The following MAPK8 variants were observed in gnomAD, a reference collection of about 807,000 sequenced individuals.
The protein encoded by MAPK8 is mitogen-activated protein kinase 8.
A neutral mutation model predicts 52.9 loss-of-function variants in MAPK8; 13 were observed. The ratio of observed to expected loss-of-function variants is 0.25; its 90% CI spans 0.16 to 0.39. The LOEUF is 0.39. MAPK8 is among the 10% of genes least tolerant of loss of function. The pLI, the probability that MAPK8 is intolerant of heterozygous loss-of-function variation, is 1.00. For missense variants in MAPK8, 300 were observed against 519.2 expected, an observed-to-expected ratio of 0.58 and a Z score of 4.10; for synonymous variants, 191 against 169.8, an observed-to-expected ratio of 1.12 and a Z score of -0.97.
rs1156554176 is a variant in MAPK8, at chr10:48,436,334, C to T, written c.*1305C>T. 2 of 152,114 alleles carry T rather than the reference C, an allele frequency of 1.3e-5. No individual in the cohort carries two copies. The highest frequency in any genetic ancestry group is 3.8e-4 in the East Asian group (2 of 5,206). 9.4% of individuals were successfully genotyped at this position (152,114 alleles called of 1,614,324 possible). ...GAGTAGTGTTAAGAATGGTGCTGCT[C>T]CTGACAAGTGTATGTTAACTGTTTA... On this transcript the variant is annotated 3_prime_UTR_variant, in exon 12 of 12. Transcript: ENST00000374189.
chr10:48,374,394 A>G (rs2040521962), intron 1 of MAPK8, among the ~76,000 whole-genome samples: 3 of 152,308 alleles, frequency 2.0e-5, no homozygotes, highest in Admixed American at 6.5e-5. Flanking sequence ...AACTAAGATC[A>G]GAGCAGAACT....
At chr10:48,429,547 C>T (rs2044003529) in intron 10 of MAPK8, among the ~76,000 whole-genome samples, 1 of 152,178 alleles carries the variant, frequency 6.6e-6, no homozygotes, top group South Asian at 2.1e-4. Context: ...GTTAGTGCTC[C>T]TAATTAGTTT....
chr10:48,401,898 TA>T, intron 2 of MAPK8, 116 bp downstream of exon 2: 2 of 847,294 alleles, frequency 2.4e-6, no homozygotes, highest in East Asian at 3.3e-5. Context: ...AAATTAAAAC[TA>T]AAAATTAAAC....
rs1589320247 is a variant in MAPK8 at position 48,432,969 on chromosome 10, C to G, written c.1138+1699C>G. 2.0e-5 allele frequency among the ~76,000 whole-genome samples: 3 copies of G among 152,168 alleles called. No individual in the cohort carries two copies. In the East Asian group the frequency reaches 5.8e-4, roughly 29 times the overall value. ...GGTAAATCAAAATACCAGATAACCA[C>G]AGTACCATTTCCACTTGATTTTTAA... On this transcript the variant is annotated intron_variant, in intron 11 of 11. Coordinates refer to ENST00000374189, the MANE Select transcript of MAPK8 (RefSeq NM_001323329.2).
intron 1 of MAPK8, among the ~76,000 whole-genome samples, chr10:48,308,594 GTGTGTGCATGTACGTAATCC>G (rs1453602097): frequency 6.6e-6 from 1 of 152,120 alleles, no homozygotes; most frequent in East Asian, 1.9e-4. Context: ...GTGTGTCCGT[GTGTGTGCATGTACGTAATCC>G]ACACACAGGC....
intron 5 of MAPK8, among the ~76,000 whole-genome samples, chr10:48,415,730 A>G (rs2043032229): frequency 6.6e-6 from 1 of 152,190 alleles, no homozygotes. Flanking sequence ...TCGCGTTTTC[A>G]AGGTGAAAGA....
intron 1 of MAPK8, among the ~76,000 whole-genome samples, chr10:48,308,644 A>G (rs1310959578): frequency 6.6e-6 from 1 of 152,198 alleles, no homozygotes; most frequent in African/African-American, 2.4e-5. Context: ...CTGGTATTTC[A>G]GTAGGGGTCT....
At chr10:48,396,128 C>G (rs2041874778) in intron 1 of MAPK8, among the ~76,000 whole-genome samples, 1 of 151,914 alleles carries the variant, frequency 6.6e-6, no homozygotes, top group South Asian at 2.1e-4. Context: ...AAAACTTTTA[C>G]TCTGTGAAAG....
At chr10:48,419,127 A>G (rs185174058) in intron 5 of MAPK8, among the ~76,000 whole-genome samples, 1 of 152,326 alleles carries the variant, frequency 6.6e-6, no homozygotes, top group East Asian at 1.9e-4. Context: ...ACTAGATTAC[A>G]TATCTTCTAA....
chr10:48,363,999 T>G (rs1311150342), intron 1 of MAPK8, among the ~76,000 whole-genome samples: 1 of 152,234 alleles, frequency 6.6e-6, no homozygotes, highest in African/African-American at 2.4e-5. Flanking sequence ...AATAATCTAT[T>G]TAGATTTCTT....
chr10:48,412,739 G>C (rs1403214641), intron 5 of MAPK8, among the ~76,000 whole-genome samples: 3 of 152,174 alleles, frequency 2.0e-5, no homozygotes, highest in African/African-American at 7.2e-5. Context: ...CCAAAGACTA[G>C]TTAAAATGCT....
chr10:48,323,196 A>G (rs1588938194), intron 1 of MAPK8, among the ~76,000 whole-genome samples: 1 of 152,322 alleles, frequency 6.6e-6, no homozygotes, highest in East Asian at 1.9e-4. Context: ...AGTTTGGGAA[A>G]GATAAAGGTA....
In MAPK8 at chr10:48,401,701, A is replaced by T; in HGVS notation, c.41A>T (p.Glu14Val). 1.2e-6 allele frequency: 2 copies of T among 1,605,664 alleles called. No individual in the cohort carries two copies. Among genetic ancestry groups the T allele is most frequent in the Non-Finnish European group, 1.7e-6 (2 of 1,176,998 alleles). The change falls in exon 2 of 12, where the codon GAG becomes GTG. Residue 14 changes from glutamate (E) to valine (V), a missense_variant. Physicochemically the swap from Glu to Val is moderately radical, Grantham distance 121. Transcript: ENST00000374189. ...CGTGACAACAATTTTTATAGTGTAG[A>T]GATTGGAGATTCTACATTCACAGTC... ...SKRDNNFYSV[E>V]IGDSTFTVLK...
At chr10:48,354,601 T>C (rs943305854) in intron 1 of MAPK8, among the ~76,000 whole-genome samples, 1 of 152,150 alleles carries the variant, frequency 6.6e-6, no homozygotes, top group Non-Finnish European at 1.5e-5. Flanking sequence ...GGTGAGACTT[T>C]TAAAATTTGT....
At chr10:48,328,015 T>C (rs987650864) in intron 1 of MAPK8, among the ~76,000 whole-genome samples, 2 of 152,102 alleles carry the variant, frequency 1.3e-5, no homozygotes, top group African/African-American at 4.8e-5. Context: ...CTTCTCTCTT[T>C]TTCTTCTTTT....
At chr10:48,398,271 A>G (rs140820816) in intron 1 of MAPK8, among the ~76,000 whole-genome samples, 6 of 152,340 alleles carry the variant, frequency 3.9e-5, no homozygotes, top group Admixed American at 3.9e-4. Flanking sequence ...ACTCATAAGA[A>G]GACAGCCGTA....
chr10:48,425,845 G>A (rs757435889), intron 7 of MAPK8, 43 bp from the exon 8 acceptor site: 1 of 422,132 alleles, frequency 2.4e-6, no homozygotes, highest in South Asian at 2.8e-5. Context: ...CTAATGTATT[G>A]AACATTAGTT....
rs1224429873 is a variant in MAPK8 at position 48,391,084 on chromosome 10, TGAAAGG to T, written c.-49-10517_-49-10512del. 7.2e-5 allele frequency among the ~76,000 whole-genome samples: 11 copies of T among 152,236 alleles called. No individual in the cohort carries two copies. The South Asian group carries it at 1.7e-3, about 23-fold the overall frequency. On this transcript the variant is annotated intron_variant, in intron 1 of 11. Coordinates refer to ENST00000374189, the MANE Select transcript of MAPK8 (RefSeq NM_001323329.2). ...ACAAAAGAGTGTTAAAAATATTTCA[TGAAAGG>T]GAAAGGGAAATGAACAAATGAGATA...
intron 10 of MAPK8, among the ~76,000 whole-genome samples, chr10:48,429,062 T>G (rs2043938357): frequency 6.6e-6 from 1 of 151,850 alleles, no homozygotes. Flanking sequence ...GCTTAAGTGA[T>G]CCTCCTGCCT....
Sources: gnomAD v4.1 joint callset for allele counts (sites outside exome capture counted in the v4.1 genomes callset) on GRCh38, gnomAD v4.1.1 for gene constraint, MANE v1.5 for transcripts, NCBI Gene and HGNC (gene_info 2026-07-23, HGNC 2026-07-21) for gene names.